Variants in ZNRF2 observed in about 807,000 individuals in gnomAD.
ZNRF2 encodes zinc and ring finger 2, also known as E3 ubiquitin-protein ligase ZNRF2.
Under a neutral mutation model 20.4 loss-of-function variants are expected in ZNRF2, and 16 were observed. That is an observed-to-expected ratio of 0.79 (90% CI 0.53 to 1.19). The LOEUF is 1.19. Ranked by LOEUF, ZNRF2 falls within the 50% of genes most tolerant of loss-of-function variation. The pLI, the probability that ZNRF2 is intolerant of heterozygous loss-of-function variation, is 0.00. For synonymous variants in ZNRF2, 178 were observed against 144.9 expected, an observed-to-expected ratio of 1.23 and a Z score of -1.64; for missense variants, 363 against 332.4, an observed-to-expected ratio of 1.09 and a Z score of -0.72.
In ZNRF2 at chr7:30,285,303, C is replaced by A; in HGVS notation, c.-55C>A. 9.4e-7 allele frequency: 1 copy of A among 1,058,704 alleles called. No individual in the cohort carries two copies. The highest frequency in any genetic ancestry group is 1.1e-6 in the Non-Finnish European group (1 of 879,686). The allele number at this position is 1,058,704 out of a possible 1,614,324, so 65.6% of individuals were successfully genotyped here. A position where few individuals can be genotyped will look rare whatever the true frequency, so the allele number is the denominator to read the frequency against. Reference sequence around the variant, plus strand: ...GCCCTCTAGCTCCCGCGCTCGCTCCCGCCCTCCCGGCTCTCGGGGCGCAGC... The same window carrying A: ...GCCCTCTAGCTCCCGCGCTCGCTCCAGCCCTCCCGGCTCTCGGGGCGCAGC... On this transcript the variant is annotated 5_prime_UTR_variant, in exon 1 of 5. Transcript: ENST00000323037.
chr7:30,285,343 C>CG lies in ZNRF2; in HGVS notation c.-11dup. 1 of 1,123,254 alleles carries CG rather than the reference C, an allele frequency of 8.9e-7. No individual in the cohort carries two copies. The highest frequency in any genetic ancestry group is 1.1e-6 in the Non-Finnish European group (1 of 919,984). 69.6% of individuals were successfully genotyped at this position (1,123,254 alleles called of 1,614,324 possible). ...CGGGGCGCAGCGCGCGGGCCCGGCC[C>CG]GGGGCAGGGCGGACATGGGCGCCAA... On this transcript the variant is annotated 5_prime_UTR_variant, in exon 1 of 5. Coordinates refer to ENST00000323037, the MANE Select transcript of ZNRF2 (RefSeq NM_147128.4).
intron 1 of ZNRF2, among the ~76,000 whole-genome samples, chr7:30,310,859 C>G (rs985590009): frequency 4.0e-5 from 6 of 151,442 alleles, no homozygotes; most frequent in African/African-American, 1.5e-4. Flanking sequence ...GAGCCCCTGT[C>G]CTGTCCTGTC....
chr7:30,344,585 C>T (rs995882947), intron 2 of ZNRF2, among the ~76,000 whole-genome samples: 4 of 152,066 alleles, frequency 2.6e-5, no homozygotes, highest in African/African-American at 7.2e-5. Context: ...TCCATCCTCA[C>T]CTCTTTTAAT....
Position 30,367,681 on chromosome 7 carries a change from C to G in ZNRF2, c.*1669C>G, listed in dbSNP as rs1800236761. 1 of 151,720 alleles carries G rather than the reference C, an allele frequency of 6.6e-6. No individual in the cohort carries two copies. Among genetic ancestry groups the G allele is most frequent in the Non-Finnish European group, 1.5e-5 (1 of 67,730 alleles). The allele number at this position is 151,720 out of a possible 1,614,324, so 9.4% of individuals were successfully genotyped here. ...TAAATAATTAAAGAGTTTTTAATTG[C>G]TTTCTGTATGATTCCAGCTCAGATA... On this transcript the variant is annotated 3_prime_UTR_variant, in exon 5 of 5. Transcript: ENST00000323037.
At chr7:30,290,087 T>C (rs1798873525) in intron 1 of ZNRF2, among the ~76,000 whole-genome samples, 1 of 152,168 alleles carries the variant, frequency 6.6e-6, no homozygotes, top group South Asian at 2.1e-4. Flanking sequence ...TAAAAGAGAG[T>C]GTAGGAACTG....
chr7:30,288,953 T>C (rs13307953), intron 1 of ZNRF2: 29 of 152,322 alleles, frequency 1.9e-4, no homozygotes, highest in Non-Finnish European at 2.9e-4. Flanking sequence ...AAGAGCATAA[T>C]ATGAGTGGTC....
chr7:30,307,628 C>T (rs1033602080), intron 1 of ZNRF2, among the ~76,000 whole-genome samples: 3 of 151,848 alleles, frequency 2.0e-5, no homozygotes, highest in Non-Finnish European at 4.4e-5. Context: ...TTTCACATTT[C>T]AAGATATTTG....
chr7:30,301,718 A>AC (rs1290753094), intron 1 of ZNRF2, among the ~76,000 whole-genome samples: 3 of 151,264 alleles, frequency 2.0e-5, no homozygotes, highest in Non-Finnish European at 2.9e-5. Context: ...AAAAAAAAAA[A>AC]AAAAACTTAT....
chr7:30,295,770 A>G (rs1218809102), intron 1 of ZNRF2, among the ~76,000 whole-genome samples: 1 of 152,212 alleles, frequency 6.6e-6, no homozygotes, highest in African/African-American at 2.4e-5. Flanking sequence ...CACATACTTC[A>G]TATCTCCGTA....
intron 3 of ZNRF2, among the ~76,000 whole-genome samples, chr7:30,357,928 T>C (rs755514594): frequency 7.2e-5 from 11 of 152,226 alleles, no homozygotes; most frequent in Non-Finnish European, 1.6e-4. Flanking sequence ...AACATAGATA[T>C]AACAGTCCAA....
intron 2 of ZNRF2, among the ~76,000 whole-genome samples, chr7:30,328,735 T>G (rs1314725455): frequency 6.6e-6 from 1 of 152,174 alleles, no homozygotes; most frequent in Admixed American, 6.6e-5. Flanking sequence ...CACATCCTGG[T>G]ACCTGAAGAA....
chr7:30,348,174 TAAA>T (rs551400861), intron 2 of ZNRF2, among the ~76,000 whole-genome samples: 271 of 114,902 alleles, frequency 2.4e-3, no homozygotes, highest in African/African-American at 7.8e-3. Flanking sequence ...TTAAAAATGT[TAAA>T]AAAAAAAAAA....
intron 2 of ZNRF2, among the ~76,000 whole-genome samples, chr7:30,338,460 A>G (rs1332062348): frequency 2.7e-5 from 3 of 109,570 alleles, no homozygotes; most frequent in African/African-American, 3.6e-5. Context: ...AGTGTGTGAT[A>G]TTCCCCTCCC....
At chr7:30,320,460 T>G (rs182401825) in intron 1 of ZNRF2, among the ~76,000 whole-genome samples, 2 of 152,324 alleles carry the variant, frequency 1.3e-5, no homozygotes, top group Admixed American at 1.3e-4. Flanking sequence ...TTAAGAGTGC[T>G]TTACATAGAT....
intron 2 of ZNRF2, among the ~76,000 whole-genome samples, chr7:30,343,026 G>T (rs184677743): frequency 6.6e-6 from 1 of 152,006 alleles, no homozygotes; most frequent in African/African-American, 2.4e-5. Context: ...CACTTTTGGC[G>T]AATGTTTCCT....
At chr7:30,303,237 T>G (rs1186553011) in intron 1 of ZNRF2, among the ~76,000 whole-genome samples, 1 of 148,652 alleles carries the variant, frequency 6.7e-6, no homozygotes, top group Non-Finnish European at 1.5e-5. Context: ...CACTCCAGCT[T>G]GGGCGATGGA....
intron 1 of ZNRF2, among the ~76,000 whole-genome samples, chr7:30,308,465 G>A (rs993335468): frequency 1.3e-5 from 2 of 152,176 alleles, no homozygotes; most frequent in Non-Finnish European, 2.9e-5. Context: ...GGTGTCATCT[G>A]TGTGAGCTTG....
intron 1 of ZNRF2, among the ~76,000 whole-genome samples, chr7:30,310,743 T>C (rs1442306325): frequency 1.3e-5 from 2 of 152,144 alleles, no homozygotes; most frequent in Non-Finnish European, 2.9e-5. Flanking sequence ...TAAGCATACC[T>C]TGAGGATGAC....
intron 1 of ZNRF2, among the ~76,000 whole-genome samples, chr7:30,301,017 A>G (rs1255179400): frequency 2.6e-5 from 4 of 152,244 alleles, no homozygotes; most frequent in Non-Finnish European, 4.4e-5. Context: ...TGTTACAACA[A>G]TCAGACCGTA....
Sources: allele counts gnomAD v4.1 joint callset (sites outside exome capture counted in the v4.1 genomes callset), GRCh38; gene constraint gnomAD v4.1.1; transcripts MANE v1.5; gene names NCBI Gene and HGNC (gene_info 2026-07-23, HGNC 2026-07-21).